The following AUTS2 variants were observed in gnomAD, a reference collection of about 807,000 sequenced individuals.
AUTS2 encodes the protein activator of transcription and developmental regulator AUTS2.
In AUTS2, 17 loss-of-function variants were observed where a neutral mutation model predicts 112.4. The ratio of observed to expected loss-of-function variants is 0.15; its 90% CI spans 0.10 to 0.23. AUTS2 has a LOEUF of 0.23. Ranked by LOEUF, AUTS2 falls within the 10% of genes least tolerant of loss-of-function variation. The pLI is 1.00. For synonymous variants in AUTS2, 751 were observed against 702.7 expected (o/e 1.07, Z -1.09); for missense variants, 1,510 against 1,701.6 (o/e 0.89, Z 1.98).
intron 5 of AUTS2, among the ~76,000 whole-genome samples, chr7:70,444,373 T>TGTGTGTGAGAGAGAGA (rs372696006): frequency 7.0e-6 from 1 of 142,442 alleles, no homozygotes; most frequent in African/African-American, 2.7e-5. Flanking sequence ...TGTGTGTGTG[T>TGTGTGTGAGAGAGAGA]GAGAGAGAGA....
chr7:70,778,628 C>A (rs1790863634), intron 14 of AUTS2, among the ~76,000 whole-genome samples: 1 of 151,682 alleles, frequency 6.6e-6, no homozygotes, highest in Non-Finnish European at 1.5e-5. Context: ...AGATGCAAAC[C>A]TCAGTAAATG....
At chr7:70,027,057 G>T (rs1001387838) in intron 2 of AUTS2, among the ~76,000 whole-genome samples, 1 of 151,964 alleles carries the variant, frequency 6.6e-6, no homozygotes, top group East Asian at 1.9e-4. Context: ...CTTTATGTTA[G>T]ATTATTTTGC....
At position 70,731,370 on chromosome 7, in the gene AUTS2, G is replaced by A. The variant is rs59964161; in HGVS notation, c.743-31500G>A. On this transcript the variant is annotated intron_variant, in intron 6 of 18. Coordinates refer to ENST00000342771, the MANE Select transcript of AUTS2 (RefSeq NM_015570.4). ...GGAATAATTTTAAACTTATAGGAAGGTTGCAAGAATAAGAATAGCACAAAG... is the reference window on the plus strand; with the variant it reads ...GGAATAATTTTAAACTTATAGGAAGATTGCAAGAATAAGAATAGCACAAAG... Among the ~76,000 whole-genome samples the A allele has an allele frequency of 5.5e-3, 807 of 145,750 alleles. 7 individuals are homozygous for A. Among genetic ancestry groups the A allele is most frequent in the African/African-American group, 0.019 (766 of 39,616 alleles).
chr7:70,105,575 T>C (rs1381343531), intron 2 of AUTS2, among the ~76,000 whole-genome samples: 1 of 152,188 alleles, frequency 6.6e-6, no homozygotes, highest in Non-Finnish European at 1.5e-5. Context: ...TTTTATGTAG[T>C]GGGCATATTA....
intron 6 of AUTS2, among the ~76,000 whole-genome samples, chr7:70,721,348 G>C (rs143764599): frequency 0.019 from 2,829 of 150,416 alleles, 88 homozygotes; most frequent in African/African-American, 0.066. Context: ...GCCCAGGCTG[G>C]AGTGCAATGG....
rs1028144328 is a variant in AUTS2, at chr7:69,677,496, T to C, written c.309+77534T>C. The stretch of plus-strand genomic sequence containing the variant: ...GTTTCCCTTCTATAGGATGAGAAAG[T>C]TGTTGAAGAGTGAGGAAAAAAGATG... On this transcript the variant is annotated intron_variant, in intron 1 of 18. Coordinates refer to ENST00000342771, the MANE Select transcript of AUTS2 (RefSeq NM_015570.4). Among the ~76,000 whole-genome samples the C allele has an allele frequency of 3.3e-5, 5 of 152,196 alleles. No homozygotes were observed. The East Asian group carries it at 9.7e-4, about 29-fold the overall frequency.
At position 69,765,743 on chromosome 7, in the gene AUTS2, C is replaced by T. The variant is rs765885382; in HGVS notation, c.310-133543C>T. Among the ~76,000 whole-genome samples, 12 of 151,992 alleles carry T rather than the reference C, an allele frequency of 7.9e-5. 1 individual carries two copies. The highest frequency in any genetic ancestry group is 1.6e-4 in the Non-Finnish European group (11 of 68,000). ...TTGCTTGAGCTCAGGAGTTTGAGAC[C>T]AGCCTGGGCAACATGGCAAAACCCC... On this transcript the variant is annotated intron_variant, in intron 1 of 18. Transcript: ENST00000342771.
chr7:69,719,486 A>G (rs1458111779), intron 1 of AUTS2, among the ~76,000 whole-genome samples: 1 of 152,182 alleles, frequency 6.6e-6, no homozygotes, highest in Non-Finnish European at 1.5e-5. Context: ...CCATGGAAAC[A>G]AGAAATCACA....
At chr7:70,225,533 A>G (rs1010420282) in intron 4 of AUTS2, among the ~76,000 whole-genome samples, 2 of 152,194 alleles carry the variant, frequency 1.3e-5, no homozygotes, top group South Asian at 2.1e-4. Flanking sequence ...AGGCCCAGTG[A>G]AATTCTACAA....
At chr7:70,086,528 C>G (rs1268000656) in intron 2 of AUTS2, among the ~76,000 whole-genome samples, 1 of 150,706 alleles carries the variant, frequency 6.6e-6, no homozygotes, top group East Asian at 1.9e-4. Context: ...GTAATCCCAG[C>G]TACTTGGGAG....
chr7:70,608,456 G>A (rs1009297200), intron 5 of AUTS2, among the ~76,000 whole-genome samples: 3 of 152,128 alleles, frequency 2.0e-5, no homozygotes, highest in South Asian at 2.1e-4. Flanking sequence ...GGTTTTGTCC[G>A]GGAGGTTTTT....
At chr7:70,735,944 T>C (rs1267264587) in intron 6 of AUTS2, among the ~76,000 whole-genome samples, 3 of 152,096 alleles carry the variant, frequency 2.0e-5, no homozygotes, top group Non-Finnish European at 4.4e-5. Flanking sequence ...GCAATCAAAA[T>C]CCTTATTTGA....
At chr7:70,124,224 TG>T (rs1401894510) in intron 3 of AUTS2, among the ~76,000 whole-genome samples, 1 of 152,240 alleles carries the variant, frequency 6.6e-6, no homozygotes, top group Non-Finnish European at 1.5e-5. Flanking sequence ...CTTGTAAATT[TG>T]TTTAGCTCCT....
chr7:70,135,077 A>G (rs1316063332), intron 4 of AUTS2, among the ~76,000 whole-genome samples: 2 of 152,166 alleles, frequency 1.3e-5, no homozygotes, highest in East Asian at 3.9e-4. Context: ...TCTTTCAGCA[A>G]TAATTAATAT....
At chr7:70,672,507 G>C (rs1331473106) in intron 5 of AUTS2, among the ~76,000 whole-genome samples, 3 of 152,194 alleles carry the variant, frequency 2.0e-5, no homozygotes, top group African/African-American at 7.2e-5. Flanking sequence ...AAACGTTAAA[G>C]GCCAGAGTTA....
At chr7:69,849,724 C>G (rs533697691) in intron 1 of AUTS2, among the ~76,000 whole-genome samples, 90 of 151,966 alleles carry the variant, frequency 5.9e-4, no homozygotes, top group Non-Finnish European at 1.1e-3. Context: ...ACTTTTTAAA[C>G]TCACTGTAAT....
intron 2 of AUTS2, among the ~76,000 whole-genome samples, chr7:69,931,898 A>T (rs1796241340): frequency 6.6e-6 from 1 of 152,198 alleles, no homozygotes; most frequent in Non-Finnish European, 1.5e-5. Flanking sequence ...GCAATCTTCG[A>T]ATTGATGACT....
rs1473112302 is a variant in AUTS2 at position 70,203,360 on chromosome 7, A to AG, written c.660+68789_660+68790insG. On this transcript the variant is annotated intron_variant, in intron 4 of 18. Coordinates refer to ENST00000342771, the MANE Select transcript of AUTS2 (RefSeq NM_015570.4). Reference sequence around the variant, plus strand: ...AGAGTATAATAAAAAAAAAAAAAAAAAAGAAGTTTACGGATAAAAGAATGA... The same window carrying AG: ...AGAGTATAATAAAAAAAAAAAAAAAAGAAGAAGTTTACGGATAAAAGAATGA... Among the ~76,000 whole-genome samples, 433 of 148,562 alleles carry AG rather than the reference A, an allele frequency of 2.9e-3. 2 individuals are homozygous for AG. The highest frequency in any genetic ancestry group is 9.9e-3 in the African/African-American group (399 of 40,470).
At chr7:70,033,932 A>G (rs1800890192) in intron 2 of AUTS2, among the ~76,000 whole-genome samples, 1 of 152,148 alleles carries the variant, frequency 6.6e-6, no homozygotes, top group Non-Finnish European at 1.5e-5. Flanking sequence ...CTTTTATTGT[A>G]TATTTTTTAA....
Sources: gnomAD v4.1 joint callset for allele counts (sites outside exome capture counted in the v4.1 genomes callset) on GRCh38, gnomAD v4.1.1 for gene constraint, MANE v1.5 for transcripts, NCBI Gene and HGNC (gene_info 2026-07-23, HGNC 2026-07-21) for gene names.